The following SEC22A variants were observed in gnomAD, a reference collection of about 807,000 sequenced individuals.
SEC22A encodes the protein SEC22 homolog A, vesicle trafficking protein.
Under a neutral mutation model 35.3 loss-of-function variants are expected in SEC22A, and 22 were observed. That is an observed-to-expected ratio of 0.62 (90% CI 0.45 to 0.89). SEC22A has a LOEUF of 0.89. SEC22A is among the 40% of genes least tolerant of loss of function. The pLI is 0.00. For synonymous variants in SEC22A, 119 were observed against 129.5 expected, an observed-to-expected ratio of 0.92 and a Z score of 0.55; for missense variants, 354 against 362.5, an observed-to-expected ratio of 0.98 and a Z score of 0.19.
chr3:123,251,776 C>T (rs1937616717), intron 5 of SEC22A, among the ~76,000 whole-genome samples: 1 of 151,374 alleles, frequency 6.6e-6, no homozygotes, highest in Non-Finnish European at 1.5e-5. Context: ...TTCCAGTTAT[C>T]GAGGACTTTA....
At chr3:123,239,699 G>T (rs7638386) in intron 4 of SEC22A, among the ~76,000 whole-genome samples, 31,116 of 151,624 alleles carry the variant, frequency 0.21, 3,301 homozygotes, top group Middle Eastern at 0.3. Flanking sequence ...TGTAAATTTG[G>T]TTGAGTTCAT....
intron 2 of SEC22A, among the ~76,000 whole-genome samples, chr3:123,211,895 C>T (rs1936943991): frequency 6.6e-6 from 1 of 152,040 alleles, no homozygotes; most frequent in African/African-American, 2.4e-5. Context: ...TGGGGAGACC[C>T]TGTCTCTACA....
intron 6 of SEC22A, among the ~76,000 whole-genome samples, chr3:123,262,541 T>A (rs2108102717): frequency 6.6e-6 from 1 of 152,346 alleles, no homozygotes; most frequent in East Asian, 1.9e-4. Context: ...TTTCAGGTAC[T>A]CACATGACCA....
chr3:123,224,188 T>C (rs1310804982), intron 3 of SEC22A, among the ~76,000 whole-genome samples: 5 of 152,032 alleles, frequency 3.3e-5, no homozygotes, highest in African/African-American at 1.2e-4. Context: ...AGTTATATTC[T>C]AATAAAACTT....
At chr3:123,230,699 C>CAA (rs376679473) in intron 4 of SEC22A, among the ~76,000 whole-genome samples, 1,004 of 46,814 alleles carry the variant, frequency 0.021, 39 homozygotes, top group African/African-American at 0.055. Context: ...TCACTTCATG[C>CAA]AAAAAAAAAA....
In SEC22A at chr3:123,272,175, T is replaced by C. The variant is rs1247303857; in HGVS notation, c.*453T>C. ...TTTAAATAAATGACTGTGATAAATA[T>C]CAGATTATTTGCACACTTATGGTAC... On this transcript the variant is annotated 3_prime_UTR_variant, in exon 7 of 7. Transcript: ENST00000492595. 1.3e-5 allele frequency: 2 copies of C among 155,852 alleles called. No homozygotes were observed. The highest frequency in any genetic ancestry group is 4.8e-5 in the African/African-American group (2 of 41,496). The allele number at this position is 155,852 out of a possible 1,614,324, so 9.7% of individuals were successfully genotyped here. A position where few individuals can be genotyped will look rare whatever the true frequency, so the allele number is the denominator to read the frequency against.
At chr3:123,252,325 G>A (rs1390912438) in intron 5 of SEC22A, among the ~76,000 whole-genome samples, 1 of 152,100 alleles carries the variant, frequency 6.6e-6, no homozygotes, top group East Asian at 1.9e-4. Context: ...TTCTGAGGTA[G>A]TCTGCTCTGA....
chr3:123,259,230 G>T (rs1937819164), intron 5 of SEC22A, among the ~76,000 whole-genome samples: 1 of 152,244 alleles, frequency 6.6e-6, no homozygotes, highest in Admixed American at 6.5e-5. Context: ...AGCAGTAGGA[G>T]GAGAGGCTTT....
intron 6 of SEC22A, among the ~76,000 whole-genome samples, chr3:123,269,553 A>G (rs1432909964): frequency 6.6e-6 from 1 of 151,998 alleles, no homozygotes; most frequent in African/African-American, 2.4e-5. Context: ...ACAAAACATC[A>G]GACACACCCA....
chr3:123,251,181 T>G (rs1937609623), intron 5 of SEC22A, among the ~76,000 whole-genome samples: 1 of 152,202 alleles, frequency 6.6e-6, no homozygotes, highest in Non-Finnish European at 1.5e-5. Flanking sequence ...CCCTAGAAAC[T>G]TAAAGAGATT....
intron 5 of SEC22A, among the ~76,000 whole-genome samples, chr3:123,247,286 T>C (rs956549530): frequency 3.9e-5 from 6 of 152,200 alleles, no homozygotes; most frequent in African/African-American, 1.4e-4. Context: ...TGAAGAGTTG[T>C]TGGTGAAGCA....
At chr3:123,205,155 G>C (rs1166687480) in intron 1 of SEC22A, among the ~76,000 whole-genome samples, 2 of 152,196 alleles carry the variant, frequency 1.3e-5, no homozygotes, top group Non-Finnish European at 2.9e-5. Context: ...GTTGGAATCT[G>C]TCTACAAATT....
In SEC22A at chr3:123,246,006, C is replaced by G; in HGVS notation, c.649C>G (p.Leu217Val). Reference protein sequence around the residue: ...LIRGFHAIESLLQSDGDDFNY... With the variant: ...LIRGFHAIESVLQSDGDDFNY... ...TCGAGGCTTTCATGCTATAGAAAGT[C>G]TCCTGCAGGTACTGTGCTATTTTTG... The change falls in exon 5 of 7, where the codon CTC becomes GTC. Residue 217 changes from leucine (L) to valine (V), a missense_variant. Transcript: ENST00000492595. 1 of 1,588,096 alleles carries G rather than the reference C, an allele frequency of 6.3e-7. No individual in the cohort carries two copies.
At chr3:123,222,198 CTT>C (rs1489536385) in intron 2 of SEC22A, among the ~76,000 whole-genome samples, 1 of 150,998 alleles carries the variant, frequency 6.6e-6, no homozygotes, top group African/African-American at 2.4e-5. Flanking sequence ...CGTCATATCT[CTT>C]TAGCTTCTTT....
chr3:123,205,191 A>G (rs1196074944), intron 1 of SEC22A, among the ~76,000 whole-genome samples: 2 of 152,200 alleles, frequency 1.3e-5, no homozygotes, highest in African/African-American at 4.8e-5. Context: ...TGATCATTGG[A>G]CATTCATCCC....
chr3:123,205,577 A>G (rs146834915), intron 1 of SEC22A, among the ~76,000 whole-genome samples: 11,014 of 152,228 alleles, frequency 0.072, 632 homozygotes, highest in Admixed American at 0.19. Flanking sequence ...AATCCCAGCT[A>G]CTTGGCAGGA....
chr3:123,260,610 T>C (rs182509250), intron 6 of SEC22A, among the ~76,000 whole-genome samples: 4 of 152,292 alleles, frequency 2.6e-5, no homozygotes, highest in African/African-American at 9.6e-5. Context: ...TGTTAAAACG[T>C]GTTACAGCAA....
At chr3:123,255,619 T>C (rs1355183022) in intron 5 of SEC22A, among the ~76,000 whole-genome samples, 2 of 152,196 alleles carry the variant, frequency 1.3e-5, no homozygotes, top group South Asian at 2.1e-4. Flanking sequence ...TATGCTAGTA[T>C]ATAGGTATTT....
At chr3:123,213,161 AAGTTCT>A (rs1227188252) in intron 2 of SEC22A, among the ~76,000 whole-genome samples, 8 of 152,200 alleles carry the variant, frequency 5.3e-5, no homozygotes, top group Non-Finnish European at 1.0e-4. Flanking sequence ...TGGAAAACAG[AAGTTCT>A]AGTTCTAGTT....
Sources: gnomAD v4.1 joint callset for allele counts (sites outside exome capture counted in the v4.1 genomes callset) on GRCh38, gnomAD v4.1.1 for gene constraint, MANE v1.5 for transcripts, NCBI Gene and HGNC (gene_info 2026-07-23, HGNC 2026-07-21) for gene names.